Variants in IGSF11 observed in about 807,000 individuals in gnomAD.
The protein encoded by IGSF11 is CXADR like 1.
A neutral mutation model predicts 41.0 loss-of-function variants in IGSF11; 22 were observed. That is an observed-to-expected ratio of 0.54 (90% CI 0.38 to 0.77). The LOEUF (loss-of-function observed/expected upper bound fraction) is 0.77, where lower values mean the gene tolerates loss of function less well. Among genes scored for constraint, IGSF11 ranks in the 30% least tolerant of loss-of-function variants. The pLI is 0.00. For synonymous variants in IGSF11, 219 were observed against 201.3 expected (o/e 1.09, Z -0.74); for missense variants, 444 against 530.8 (o/e 0.84, Z 1.61).
intron 1 of IGSF11, among the ~76,000 whole-genome samples, chr3:119,134,090 A>G (rs1214177315): frequency 6.6e-6 from 1 of 152,210 alleles, no homozygotes; most frequent in East Asian, 1.9e-4. Flanking sequence ...TATTTATGAC[A>G]AACCCATAGC....
At chr3:118,930,348 C>CATAAT (rs1559915454) in intron 1 of IGSF11, 73 bp from the exon 2 acceptor site, 2 of 1,425,866 alleles carry the variant, frequency 1.4e-6, no homozygotes, top group Admixed American at 4.5e-5. Flanking sequence ...GGAAGGTTTG[C>CATAAT]GTGTTTTATG....
Position 118,988,934 on chromosome 3 carries a change from G to T in IGSF11, c.52+45597C>A, listed in dbSNP as rs144692825. Among the ~76,000 whole-genome samples the T allele has an allele frequency of 5.1e-4, 77 of 152,272 alleles. 1 individual carries two copies. The highest frequency in any genetic ancestry group is 1.8e-3 in the African/African-American group (74 of 41,548). The stretch of plus-strand genomic sequence containing the variant: ...GAGTTAGAAAGCTCTTTCTCCAGTA[G>T]ACTTTCACTATGACATCATGAAGTT... On this transcript the variant is annotated intron_variant, in intron 1 of 6. Coordinates refer to ENST00000393775, the MANE Select transcript of IGSF11 (RefSeq NM_001015887.3).
intron 4 of IGSF11, among the ~76,000 whole-genome samples, chr3:118,910,283 A>C (rs964333855): frequency 6.6e-6 from 1 of 152,242 alleles, no homozygotes; most frequent in African/African-American, 2.4e-5. Flanking sequence ...TTCCTCAAGC[A>C]AACTTCTACA....
intron 1 of IGSF11, among the ~76,000 whole-genome samples, chr3:119,000,914 T>C (rs957217930): frequency 2.0e-5 from 3 of 152,180 alleles, no homozygotes; most frequent in Non-Finnish European, 4.4e-5. Flanking sequence ...TCACCCAAAG[T>C]AAAAGCCAAA....
chr3:119,120,733 T>C (rs1432169506), intron 1 of IGSF11, among the ~76,000 whole-genome samples: 2 of 152,154 alleles, frequency 1.3e-5, no homozygotes. Flanking sequence ...AAGGTTGCCA[T>C]GACACCAGCA....
chr3:119,050,065 T>A (rs566196484), intron 1 of IGSF11, among the ~76,000 whole-genome samples: 9 of 148,176 alleles, frequency 6.1e-5, no homozygotes, highest in African/African-American at 1.5e-4. Flanking sequence ...AACCTAGGCA[T>A]TACCATTCAG....
At chr3:119,103,281 G>T (rs1428293459) in intron 1 of IGSF11, among the ~76,000 whole-genome samples, 1 of 152,180 alleles carries the variant, frequency 6.6e-6, no homozygotes, top group Non-Finnish European at 1.5e-5. Flanking sequence ...ACAGGCGTGA[G>T]CCGCCGCGCC....
chr3:118,972,383 T>C (rs1363292963), intron 1 of IGSF11, among the ~76,000 whole-genome samples: 1 of 152,212 alleles, frequency 6.6e-6, no homozygotes, highest in Non-Finnish European at 1.5e-5. Context: ...GCAATGTACT[T>C]ATGACTTCCT....
rs542579286 is a variant in IGSF11 at position 119,102,601 on chromosome 3, T to C, written c.49+2543A>G. On this transcript the variant is annotated intron_variant, in intron 1 of 6. Transcript: ENST00000354673. ...GTTTCTAGAAAATATTTTTGAATTA[T>C]ATATTCAAATATTGCATCTAGTCCA... Among the ~76,000 whole-genome samples the C allele has an allele frequency of 3.6e-4, 55 of 152,360 alleles. 1 individual carries two copies. The South Asian group carries it at 0.011, about 31-fold the overall frequency.
intron 4 of IGSF11, among the ~76,000 whole-genome samples, chr3:118,908,762 AGTGT>A (rs1939911994): frequency 6.6e-6 from 1 of 152,192 alleles, no homozygotes; most frequent in African/African-American, 2.4e-5. Flanking sequence ...AACAAATGTT[AGTGT>A]ACATTTCCAG....
chr3:118,948,692 G>A (rs1253011757), intron 1 of IGSF11, among the ~76,000 whole-genome samples: 1 of 152,102 alleles, frequency 6.6e-6, no homozygotes, highest in East Asian at 1.9e-4. Flanking sequence ...TAGGCCGGGC[G>A]TGATGGCTCA....
intron 1 of IGSF11, among the ~76,000 whole-genome samples, chr3:119,065,275 C>A (rs1413418569): frequency 6.6e-6 from 1 of 152,186 alleles, no homozygotes; most frequent in Non-Finnish European, 1.5e-5. Flanking sequence ...AATGTCACCT[C>A]TCACTTTTTC....
intron 1 of IGSF11, among the ~76,000 whole-genome samples, chr3:119,073,687 C>A (rs917123631): frequency 2.0e-5 from 3 of 152,194 alleles, no homozygotes; most frequent in Admixed American, 6.5e-5. Context: ...CACCGGCCGG[C>A]TGCTCCAAGT....
At chr3:118,921,804 G>A (rs1429499586) in intron 4 of IGSF11, among the ~76,000 whole-genome samples, 1 of 152,042 alleles carries the variant, frequency 6.6e-6, no homozygotes, top group Non-Finnish European at 1.5e-5. Flanking sequence ...CAGAAAAATA[G>A]GGTAGAGAAA....
At chr3:119,143,030 C>T (rs1281346014) in intron 1 of IGSF11, among the ~76,000 whole-genome samples, 2 of 152,134 alleles carry the variant, frequency 1.3e-5, no homozygotes, top group Non-Finnish European at 2.9e-5. Flanking sequence ...GAAATTAAGA[C>T]ATTCCCAGAT....
At chr3:119,040,729 T>G (rs1351000990) in intron 1 of IGSF11, among the ~76,000 whole-genome samples, 1 of 152,206 alleles carries the variant, frequency 6.6e-6, no homozygotes, top group South Asian at 2.1e-4. Context: ...TCATGACACA[T>G]GTAGATACTG....
intron 4 of IGSF11, among the ~76,000 whole-genome samples, chr3:118,920,122 AG>A (rs1351020903): frequency 5.0e-5 from 4 of 80,228 alleles, no homozygotes; most frequent in Non-Finnish European, 7.0e-5. Context: ...GGGTGGGGGG[AG>A]GGGGGAGGGA....
Position 119,047,318 on chromosome 3 carries a change from G to C in IGSF11, c.49+57826C>G, listed in dbSNP as rs1335008158. On this transcript the variant is annotated intron_variant, in intron 1 of 6. Coordinates refer to the IGSF11 transcript ENST00000354673. ...TGGAGGAAGATCTACCAAGCAAATG[G>C]AAAACTAAAAAAGGCAGGAGTTGCA... Among the ~76,000 whole-genome samples, 4 of 152,034 alleles carry C rather than the reference G, an allele frequency of 2.6e-5. No homozygotes were observed. The East Asian group carries it at 7.7e-4, about 29-fold the overall frequency.
rs150044877 is a variant in IGSF11 at position 118,935,431 on chromosome 3, C to T, written c.53-5156G>A. 8.6e-3 allele frequency among the ~76,000 whole-genome samples: 1,243 copies of T among 145,130 alleles called. 25 individuals are homozygous for T. Among genetic ancestry groups the T allele is most frequent in the African/African-American group, 0.03 (1,181 of 39,208 alleles). On this transcript the variant is annotated intron_variant, in intron 1 of 6. Transcript: ENST00000393775. ...ACATATACATACGTATATACATATACGTATGTATATGTGTGTGTGTACATA... is the reference window on the plus strand; with the variant it reads ...ACATATACATACGTATATACATATATGTATGTATATGTGTGTGTGTACATA...
Sources: gnomAD v4.1 joint callset for allele counts (sites outside exome capture counted in the v4.1 genomes callset) on GRCh38, gnomAD v4.1.1 for gene constraint, MANE v1.5 for transcripts, NCBI Gene and HGNC (gene_info 2026-07-23, HGNC 2026-07-21) for gene names.